Variants in NAB1 observed in about 807,000 individuals in gnomAD.
NAB1 encodes NGFI-A-binding protein 1.
In NAB1, 25 loss-of-function variants were observed where a neutral mutation model predicts 49.9. The observed-to-expected ratio is 0.50, with a 90% CI of 0.37 to 0.70. The LOEUF (loss-of-function observed/expected upper bound fraction) is 0.70. Ranked by LOEUF, NAB1 falls within the 30% of genes least tolerant of loss-of-function variation. The pLI, the probability that NAB1 is intolerant of heterozygous loss-of-function variation, is 0.00. For missense variants in NAB1, 489 were observed against 575.9 expected, an observed-to-expected ratio of 0.85 and a Z score of 1.54; for synonymous variants, 198 against 215.6, an observed-to-expected ratio of 0.92 and a Z score of 0.71.
rs1237991140 is a variant in NAB1 at position 190,682,285 on chromosome 2, A to C, written c.1006-1453A>C. On this transcript the variant is annotated intron_variant, in intron 6 of 9. Transcript: ENST00000337386. The surrounding 1 kb of genome is among the most constrained non-coding windows in gnomAD (Gnocchi z 4.1). ...ACTTGCTTTATCTCATTTGGTCCTC[A>C]CAACAATCCTAATAGATAGGTTCTC... Among the ~76,000 whole-genome samples, 1 of 152,312 alleles carries C rather than the reference A, an allele frequency of 6.6e-6. No homozygotes were observed. The highest frequency in any genetic ancestry group is 1.9e-4 in the East Asian group (1 of 5,188).
At chr2:190,658,885 A>G (rs773547828) in intron 3 of NAB1, among the ~76,000 whole-genome samples, 3 of 152,246 alleles carry the variant, frequency 2.0e-5, no homozygotes, top group African/African-American at 4.8e-5. Flanking sequence ...AATACGGGAC[A>G]TGGAACCTTT....
chr2:190,650,704 C>G (rs1261645718), intron 2 of NAB1, among the ~76,000 whole-genome samples: 1 of 152,210 alleles, frequency 6.6e-6, no homozygotes, highest in Non-Finnish European at 1.5e-5. Context: ...CTGATCTAAT[C>G]TGAGTGCCAG....
Position 190,663,673 on chromosome 2 carries a change from C to T in NAB1, c.819+3678C>T, listed in dbSNP as rs375327002. ...ACACGTGTATATATTTGTCTCCTCT[C>T]TTAGTTATTTTATTGTTCTTATCTA... On this transcript the variant is annotated intron_variant, in intron 4 of 9. Transcript: ENST00000337386. The surrounding 1 kb of genome is among the most constrained non-coding windows in gnomAD (Gnocchi z 4.2). Among the ~76,000 whole-genome samples the T allele has an allele frequency of 6.6e-5, 10 of 152,256 alleles. No individual in the cohort carries two copies. In the East Asian group the frequency reaches 1.2e-3, roughly 18 times the overall value.
At chr2:190,656,869 G>A (rs1285757675) in intron 3 of NAB1, among the ~76,000 whole-genome samples, 1 of 151,922 alleles carries the variant, frequency 6.6e-6, no homozygotes, top group Non-Finnish European at 1.5e-5. Context: ...ATTCCATAAT[G>A]TGAGGAGCAC....
rs1695252881 is a variant in NAB1, at chr2:190,679,983, G to A, written c.1006-3755G>A. ...GCTCAACCGAATTCATCAGTGTTCT[G>A]GCCCCTCCCAGACCTCGTGATCTTG... On this transcript the variant is annotated intron_variant, in intron 6 of 9. Coordinates refer to ENST00000337386, the MANE Select transcript of NAB1 (RefSeq NM_005966.4). This position sits in a 1 kb window ranked among gnomAD's most constrained non-coding sequence, Gnocchi z 5.3. Among the ~76,000 whole-genome samples the A allele has an allele frequency of 6.6e-6, 1 of 152,134 alleles. No homozygotes were observed. Among genetic ancestry groups the A allele is most frequent in the South Asian group, 2.1e-4 (1 of 4,818 alleles).
intron 2 of NAB1, 149 bp downstream of exon 2, chr2:190,650,131 G>A (rs1431059622): frequency 6.6e-6 from 1 of 152,222 alleles, no homozygotes; most frequent in Non-Finnish European, 1.5e-5. Context: ...AGGGATAGTT[G>A]AGATGGAATA....
chr2:190,672,203 G>A (rs1694847207), intron 5 of NAB1, among the ~76,000 whole-genome samples: 2 of 152,132 alleles, frequency 1.3e-5, no homozygotes, highest in East Asian at 3.9e-4. Context: ...TTGTGTGGAT[G>A]TGCTGTGATT....
At position 190,692,347 on chromosome 2, in the gene NAB1, A is replaced by T. The variant is rs1186865224; in HGVS notation, c.*2014A>T. 6.6e-6 allele frequency: 1 copy of T among 152,616 alleles called. No homozygotes were observed. Among genetic ancestry groups the T allele is most frequent in the Non-Finnish European group, 1.5e-5 (1 of 68,034 alleles). The allele number at this position is 152,616 out of a possible 1,614,324, so 9.5% of individuals were successfully genotyped here. A position where few individuals can be genotyped will look rare whatever the true frequency, so the allele number is the denominator to read the frequency against. On this transcript the variant is annotated 3_prime_UTR_variant, in exon 10 of 10. Coordinates refer to ENST00000337386, the MANE Select transcript of NAB1 (RefSeq NM_005966.4). The surrounding 1 kb of genome is among the most constrained non-coding windows in gnomAD (Gnocchi z 5.2). The stretch of plus-strand genomic sequence containing the variant: ...TTATCCATTCGTTGTGGACCCACAG[A>T]TTGCATCTTTAAATTCATAATAAGT...
intron 9 of NAB1, among the ~76,000 whole-genome samples, chr2:190,688,659 A>AT (rs1378876661): frequency 1.3e-5 from 2 of 152,210 alleles, no homozygotes; most frequent in Non-Finnish European, 2.9e-5. Context: ...CATGGGGCAT[A>AT]TTTACATATT....
Position 190,673,055 on chromosome 2 carries a change from T to A in NAB1, c.954-46T>A. 3 of 1,577,108 alleles carry A rather than the reference T, an allele frequency of 1.9e-6. No homozygotes were observed. In the African/African-American group the frequency reaches 4.1e-5, roughly 22 times the overall value. On this transcript the variant is annotated intron_variant, in intron 5 of 9. Coordinates refer to ENST00000337386, the MANE Select transcript of NAB1 (RefSeq NM_005966.4). The stretch of plus-strand genomic sequence containing the variant: ...TGAGATGCCTTTGGAATAAAATCAG[T>A]TACTTTCTCAAGTTTTTTTTTTTTT...
At position 190,675,380 on chromosome 2, in the gene NAB1, G is replaced by T. The variant is rs1474531579; in HGVS notation, c.1005+2228G>T. ...AGTTGTTTCTTGATGAGTTTTATTG[G>T]TAAGTCTTTCTGACCCTCTCAGAGG... On this transcript the variant is annotated intron_variant, in intron 6 of 9. Transcript: ENST00000337386. The surrounding 1 kb of genome is among the most constrained non-coding windows in gnomAD (Gnocchi z 5.2). Among the ~76,000 whole-genome samples, 1 of 152,138 alleles carries T rather than the reference G, an allele frequency of 6.6e-6. No homozygotes were observed. The highest frequency in any genetic ancestry group is 1.5e-5 in the Non-Finnish European group (1 of 68,010).
chr2:190,664,614 T>TTTTTTTTTTTTG, intron 4 of NAB1, among the ~76,000 whole-genome samples: 1 of 111,814 alleles, frequency 8.9e-6, no homozygotes, highest in Non-Finnish European at 1.8e-5. Context: ...TTTTTTTTTT[T>TTTTTTTTTTTTG]GTAGGGACAG....
rs768746892 is a variant in NAB1 at position 190,675,639 on chromosome 2, C to T, written c.1005+2487C>T. 3.9e-5 allele frequency among the ~76,000 whole-genome samples: 6 copies of T among 152,168 alleles called. No individual in the cohort carries two copies. Among genetic ancestry groups the T allele is most frequent in the Non-Finnish European group, 1.5e-5 (1 of 68,032 alleles). On this transcript the variant is annotated intron_variant, in intron 6 of 9. Coordinates refer to ENST00000337386, the MANE Select transcript of NAB1 (RefSeq NM_005966.4). The surrounding 1 kb of genome is among the most constrained non-coding windows in gnomAD (Gnocchi z 5.2). ...TTTCCCTGTGAATAACTCTTCTAAC[C>T]CTTCCTAAATAAGACAAGCGACAAT...
chr2:190,690,096 C>G, intron 9 of NAB1, 149 bp from the exon 10 acceptor site: 2 of 552,894 alleles, frequency 3.6e-6, no homozygotes, highest in Non-Finnish European at 6.3e-6. Flanking sequence ...CTTAACAGCT[C>G]TATGAACAAA....
At chr2:190,690,180 CTTTG>C (rs920685382) in intron 9 of NAB1, 61 bp from the exon 10 acceptor site, 25 of 1,151,402 alleles carry the variant, frequency 2.2e-5, no homozygotes, top group South Asian at 6.3e-5. Flanking sequence ...TGTTTTAAAA[CTTTG>C]TTTGATTTTT....
Position 190,679,497 on chromosome 2 carries a change from T to C in NAB1, c.1006-4241T>C, listed in dbSNP as rs1249201155. 6.6e-6 allele frequency among the ~76,000 whole-genome samples: 1 copy of C among 152,206 alleles called. No individual in the cohort carries two copies. The highest frequency in any genetic ancestry group is 2.4e-5 in the African/African-American group (1 of 41,440). On this transcript the variant is annotated intron_variant, in intron 6 of 9. Coordinates refer to ENST00000337386, the MANE Select transcript of NAB1 (RefSeq NM_005966.4). This position sits in a 1 kb window ranked among gnomAD's most constrained non-coding sequence, Gnocchi z 5.3. ...CAACTTTCACATGTAGAGTTTGAGG[T>C]TCCCCCATCCAGCTTTTTCAGTATT... is the stretch of plus-strand genomic sequence containing the variant.
At position 190,691,702 on chromosome 2, in the gene NAB1, A is replaced by G. The variant is rs1695938921; in HGVS notation, c.*1369A>G. The G allele has an allele frequency of 6.6e-6, 1 of 152,166 alleles. No homozygotes were observed. The highest frequency in any genetic ancestry group is 1.5e-5 in the Non-Finnish European group (1 of 67,988). 9.4% of individuals were successfully genotyped at this position (152,166 alleles called of 1,614,324 possible). A position where few individuals can be genotyped will look rare whatever the true frequency, so the allele number is the denominator to read the frequency against. On this transcript the variant is annotated 3_prime_UTR_variant, in exon 10 of 10. Coordinates refer to ENST00000337386, the MANE Select transcript of NAB1 (RefSeq NM_005966.4). This position sits in a 1 kb window ranked among gnomAD's most constrained non-coding sequence, Gnocchi z 4.1. ...ACTGACAGCTTTACCTACTTCCTACAGATGCATCTAAACCCAGATATTACT... is the reference window on the plus strand; with the variant it reads ...ACTGACAGCTTTACCTACTTCCTACGGATGCATCTAAACCCAGATATTACT...
At chr2:190,668,355 G>C (rs1424470126) in intron 4 of NAB1, among the ~76,000 whole-genome samples, 1 of 152,100 alleles carries the variant, frequency 6.6e-6, no homozygotes, top group African/African-American at 2.4e-5. Context: ...GAGGTAGTTT[G>C]ATGTCCAGAG....
chr2:190,675,563 C>T lies in NAB1; in HGVS notation c.1005+2411C>T, dbSNP rs1245164664. On this transcript the variant is annotated intron_variant, in intron 6 of 9. Transcript: ENST00000337386. The surrounding 1 kb of genome is among the most constrained non-coding windows in gnomAD (Gnocchi z 5.2). ...TAGTTTATTGGTTTACTGGAGGTCA[C>T]AAAGCCACTTGAACAGCTCTGGATT... is the stretch of plus-strand genomic sequence containing the variant. Among the ~76,000 whole-genome samples, 5 of 152,168 alleles carry T rather than the reference C, an allele frequency of 3.3e-5. No homozygotes were observed. Among genetic ancestry groups the T allele is most frequent in the South Asian group, 4.1e-4 (2 of 4,834 alleles).
Sources: gnomAD v4.1 joint callset for allele counts (sites outside exome capture counted in the v4.1 genomes callset) on GRCh38, gnomAD v4.1.1 for gene constraint, Gnocchi (gnomAD v3.1) non-coding constraint, MANE v1.5 for transcripts, NCBI Gene and HGNC (gene_info 2026-07-23, HGNC 2026-07-21) for gene names.